The following SLC11A2 variants were observed in gnomAD, a reference collection of about 807,000 sequenced individuals.
SLC11A2 encodes solute carrier family 11 member 2, also known as natural resistance-associated macrophage protein 2.
SLC11A2 carries 38 observed loss-of-function variants against 68.0 expected under a neutral mutation model. That is an observed-to-expected ratio of 0.56 (90% CI 0.43 to 0.73). The LOEUF is 0.73. Ranked by LOEUF, SLC11A2 falls within the 30% of genes least tolerant of loss-of-function variation. SLC11A2 has a pLI of 0.00. For synonymous variants in SLC11A2, 242 were observed against 250.6 expected (o/e 0.97, Z 0.32); for missense variants, 517 against 690.5 (o/e 0.75, Z 2.82).
the SLC11A2 span, among the ~76,000 whole-genome samples, chr12:50,957,937 G>GGGGTGTGTGTGTGT: frequency 7.6e-6 from 1 of 132,408 alleles, no homozygotes; most frequent in Non-Finnish European, 1.6e-5. Flanking sequence ...ATGAATTGGA[G>GGGGTGTGTGTGTGT]GTGTGTGTGT....
chr12:51,013,600 C>T lies in SLC11A2; in HGVS notation c.-38-2834G>A, dbSNP rs546603976. Among the ~76,000 whole-genome samples, 372 of 151,698 alleles carry T rather than the reference C, an allele frequency of 2.5e-3. 1 individual carries two copies. The highest frequency in any genetic ancestry group is 8.7e-3 in the African/African-American group (358 of 41,338). On this transcript the variant is annotated intron_variant, in intron 1 of 15. Coordinates refer to ENST00000262052, the MANE Select transcript of SLC11A2 (RefSeq NM_000617.3). ...TTAAGGCACTGGAAAATCACCTGGG[C>T]GTGGTAGTGCATGTCTGTGGTGCCA... is the stretch of plus-strand genomic sequence containing the variant.
chr12:50,960,956 T>C, the SLC11A2 span: 1 of 1,555,692 alleles, frequency 6.4e-7, no homozygotes, highest in Non-Finnish European at 8.7e-7. Flanking sequence ...CCCATACTTT[T>C]AAAATTCACA....
the SLC11A2 span, among the ~76,000 whole-genome samples, chr12:50,969,998 TA>T: frequency 3.9e-4 from 60 of 152,162 alleles, no homozygotes; most frequent in African/African-American, 1.4e-3. Context: ...AAGCCATACA[TA>T]TCATCCGCCT....
intron 12 of SLC11A2, 80 bp downstream of exon 12, chr12:50,992,730 C>CAAAA (rs954460640): frequency 3.7e-5 from 35 of 947,256 alleles, no homozygotes; most frequent in Admixed American, 5.3e-5. Context: ...GACTCCATCT[C>CAAAA]AAAAAAAAAA....
chr12:51,004,695 C>T, intron 5 of SLC11A2, 93 bp downstream of exon 5: 6 of 1,439,430 alleles, frequency 4.2e-6, no homozygotes, highest in Non-Finnish European at 5.8e-6. Context: ...AAGTCCTTGA[C>T]TGTCTCACTA....
intron 3 of SLC11A2, 23 bp from the exon 4 acceptor site, chr12:51,005,459 T>G: frequency 1.3e-6 from 2 of 1,598,646 alleles, no homozygotes; most frequent in Non-Finnish European, 8.5e-7. Flanking sequence ...GGAAAAGAGA[T>G]TAAACTGAAC....
chr12:50,980,581 C>A (rs1939968081), downstream of SLC11A2: 1 of 152,010 alleles, frequency 6.6e-6, no homozygotes, highest in Non-Finnish European at 1.5e-5. Context: ...AAAAAAAAAT[C>A]TATACATGTA....
chr12:51,010,609 CAA>C, intron 2 of SLC11A2, 84 bp downstream of exon 2: 1 of 788,904 alleles, frequency 1.3e-6, no homozygotes, highest in Non-Finnish European at 2.2e-6. Context: ...CAGATGATGA[CAA>C]GAGGAAAAAT....
chr12:51,023,768 C>A (rs1037512505), intron 1 of SLC11A2, among the ~76,000 whole-genome samples: 3 of 152,132 alleles, frequency 2.0e-5, no homozygotes, highest in African/African-American at 7.2e-5. Context: ...TGGTTGGGCA[C>A]GGTGGCTGGC....
chr12:50,970,600 A>G, the SLC11A2 span: 2 of 742,338 alleles, frequency 2.7e-6, no homozygotes, highest in Admixed American at 2.4e-5. Flanking sequence ...TTTACTACAC[A>G]AGTGTCACAG....
intron 8 of SLC11A2, among the ~76,000 whole-genome samples, 180 bp from the exon 9 acceptor site, chr12:50,997,152 A>C (rs796912573): frequency 5.3e-5 from 8 of 152,276 alleles, no homozygotes; most frequent in African/African-American, 1.7e-4. Flanking sequence ...ATCACAGCTC[A>C]CTGAAACCTC....
At position 51,008,496 on chromosome 12, in the gene SLC11A2, T is replaced by C; in HGVS notation, c.163A>G (p.Ile55Val). The change falls in exon 3 of 16, where the codon ATC becomes GTC. Residue 55 changes from isoleucine to valine, a missense_variant. Transcript: ENST00000262052. Reference protein sequence around the residue: ...EYFATYFNEKISIPEEEYSCF... With the variant: ...EYFATYFNEKVSIPEEEYSCF... ...CTAACCTCCTCCTCAGGAATGGAGA[T>C]CTTCTCATTAAAGTAAGTGGCGAAG... 6.8e-6 allele frequency: 11 copies of C among 1,613,434 alleles called. No homozygotes were observed. Among genetic ancestry groups the C allele is most frequent in the Non-Finnish European group, 9.3e-6 (11 of 1,179,440 alleles).
chr12:50,955,837 A>G, the SLC11A2 span, among the ~76,000 whole-genome samples: 2 of 152,244 alleles, frequency 1.3e-5, no homozygotes, highest in Non-Finnish European at 2.9e-5. Flanking sequence ...ATTAATTAAT[A>G]AACAGAGACA....
chr12:50,987,617 C>T lies in SLC11A2; in HGVS notation c.*708G>A, dbSNP rs1940723733. 3 of 1,287,182 alleles carry T rather than the reference C, an allele frequency of 2.3e-6. No individual in the cohort carries two copies. Among genetic ancestry groups the T allele is most frequent in the Non-Finnish European group, 3.0e-6 (3 of 988,674 alleles). The allele number at this position is 1,287,182 out of a possible 1,614,324, so 79.7% of individuals were successfully genotyped here. A position where few individuals can be genotyped will look rare whatever the true frequency, so the allele number is the denominator to read the frequency against. ...AAGACTCCCAAGAAATCCTCATAAG[C>T]TTTTCAATCTGAGGAAAATCCTGAG... On this transcript the variant is annotated 3_prime_UTR_variant, in exon 16 of 16. Transcript: ENST00000262052.
rs1940641530 is a variant in SLC11A2 at position 50,987,002 on chromosome 12, A to C, written c.*1323T>G. 1 of 1,285,344 alleles carries C rather than the reference A, an allele frequency of 7.8e-7. No individual in the cohort carries two copies. The highest frequency in any genetic ancestry group is 1.5e-5 in the African/African-American group (1 of 65,710). 79.6% of individuals were successfully genotyped at this position (1,285,344 alleles called of 1,614,324 possible). A position where few individuals can be genotyped will look rare whatever the true frequency, so the allele number is the denominator to read the frequency against. On this transcript the variant is annotated 3_prime_UTR_variant, in exon 16 of 16. Transcript: ENST00000262052. ...CTCACCAAATCAATGACTATAAAAC[A>C]GTTTTGATTATTTATCTCCATCAAA...
At chr12:51,007,087 T>C (rs970997722) in intron 3 of SLC11A2, among the ~76,000 whole-genome samples, 3 of 152,056 alleles carry the variant, frequency 2.0e-5, no homozygotes, top group Admixed American at 1.3e-4. Flanking sequence ...AATCCACCTT[T>C]GACCTGAAAG....
chr12:51,012,352 A>AC (rs900072203), intron 1 of SLC11A2, among the ~76,000 whole-genome samples: 2 of 145,986 alleles, frequency 1.4e-5, no homozygotes, highest in African/African-American at 4.9e-5. Context: ...AGGCTATTAA[A>AC]AAAAAAATGT....
At chr12:51,015,749 A>T (rs1251456186) in intron 1 of SLC11A2, among the ~76,000 whole-genome samples, 1 of 152,192 alleles carries the variant, frequency 6.6e-6, no homozygotes, top group Non-Finnish European at 1.5e-5. Flanking sequence ...ATTATGATTA[A>T]CATTGCTTTG....
upstream of SLC11A2, among the ~76,000 whole-genome samples, chr12:51,027,918 G>C (rs1441718329): frequency 0.16 from 56 of 344 alleles, no homozygotes; most frequent in African/African-American, 0.24. Flanking sequence ...AAAAAAAAGT[G>C]GGGGGGGGGG....
Sources: allele counts gnomAD v4.1 joint callset (sites outside exome capture counted in the v4.1 genomes callset), GRCh38; gene constraint gnomAD v4.1.1; transcripts MANE v1.5; gene names NCBI Gene and HGNC (gene_info 2026-07-23, HGNC 2026-07-21).